The following PSD3 variants were observed in gnomAD, a reference collection of about 807,000 sequenced individuals.
PSD3 encodes pleckstrin and Sec7 domain containing 3, also known as PH and SEC7 domain-containing protein 3.
A neutral mutation model predicts 105.5 loss-of-function variants in PSD3; 49 were observed. That is an observed-to-expected ratio of 0.46 (90% CI 0.37 to 0.59). PSD3 has a LOEUF of 0.59. Among genes scored for constraint, PSD3 ranks in the 20% least tolerant of loss-of-function variants. The pLI is 0.00. For synonymous variants in PSD3, 557 were observed against 457.8 expected (o/e 1.22, Z -2.77); for missense variants, 1,561 against 1,263.8 (o/e 1.24, Z -3.57).
chr8:18,979,455 T>C (rs1825136498), intron 1 of PSD3, among the ~76,000 whole-genome samples: 1 of 152,230 alleles, frequency 6.6e-6, no homozygotes, highest in Non-Finnish European at 1.5e-5. Flanking sequence ...ATAGTATCTT[T>C]CATTCCAAAA....
chr8:18,937,377 G>T (rs1456462868), intron 1 of PSD3, among the ~76,000 whole-genome samples: 2 of 152,152 alleles, frequency 1.3e-5, no homozygotes, highest in East Asian at 3.8e-4. Context: ...CACTTTGGGG[G>T]AGAGAAGCGT....
chr8:18,950,353 T>G (rs2129470009), intron 1 of PSD3, among the ~76,000 whole-genome samples: 1 of 152,336 alleles, frequency 6.6e-6, no homozygotes, highest in South Asian at 2.1e-4. Flanking sequence ...CTTTTTGTAT[T>G]TTGTGGTAGC....
At chr8:18,680,079 G>C (rs1197268227) in intron 9 of PSD3, among the ~76,000 whole-genome samples, 2 of 152,044 alleles carry the variant, frequency 1.3e-5, no homozygotes, top group African/African-American at 2.4e-5. Context: ...GGGAAGAAAA[G>C]AGTGTTTATC....
intron 2 of PSD3, among the ~76,000 whole-genome samples, chr8:18,887,934 A>G (rs1164837490): frequency 6.6e-6 from 1 of 152,164 alleles, no homozygotes; most frequent in Non-Finnish European, 1.5e-5. Context: ...GATGGCTACT[A>G]TGATTAACCC....
At chr8:18,536,313 T>C (rs968936741) in intron 15 of PSD3, among the ~76,000 whole-genome samples, 2 of 152,200 alleles carry the variant, frequency 1.3e-5, no homozygotes, top group African/African-American at 4.8e-5. Flanking sequence ...GGCGGCTGCA[T>C]GGCTCTTGTG....
intron 1 of PSD3, among the ~76,000 whole-genome samples, chr8:19,075,791 T>C (rs571740696): frequency 6.6e-6 from 1 of 152,364 alleles, no homozygotes; most frequent in East Asian, 1.9e-4. Flanking sequence ...TTTGCATGTA[T>C]GTTTATCTGC....
In PSD3 at chr8:18,746,684, G is replaced by C. The variant is rs62495854; in HGVS notation, c.2172+18765C>G. On this transcript the variant is annotated intron_variant, in intron 9 of 15. Coordinates refer to ENST00000327040, the MANE Select transcript of PSD3 (RefSeq NM_015310.4). ...TTTGTCTTCAACCACACGGCATACA[G>C]TTAAAAAACTGTTTTTCAAAATTAT... is the stretch of plus-strand genomic sequence containing the variant. 9.6e-3 allele frequency among the ~76,000 whole-genome samples: 1,465 copies of C among 152,356 alleles called. 13 individuals are homozygous for C. Among genetic ancestry groups the C allele is most frequent in the Non-Finnish European group, 0.016 (1,122 of 68,018 alleles).
chr8:18,579,096 CCACACACACACACACACA>C (rs3988324), intron 12 of PSD3, among the ~76,000 whole-genome samples: 1 of 143,556 alleles, frequency 7.0e-6, no homozygotes, highest in Non-Finnish European at 1.5e-5. Context: ...AGCTCCAAGT[CCACACACACACACACACA>C]CACACACACA....
intron 10 of PSD3, among the ~76,000 whole-genome samples, chr8:18,645,670 T>G (rs760898760): frequency 6.6e-6 from 1 of 152,180 alleles, no homozygotes; most frequent in Non-Finnish European, 1.5e-5. Context: ...TGTTAGGAAT[T>G]TGAGTACAGT....
At chr8:18,752,195 G>A (rs1255568925) in intron 9 of PSD3, among the ~76,000 whole-genome samples, 3 of 151,396 alleles carry the variant, frequency 2.0e-5, no homozygotes, top group East Asian at 1.9e-4. Flanking sequence ...AAAAAATTAT[G>A]CATATACTTA....
At chr8:18,887,817 G>T (rs1017866671) in intron 2 of PSD3, among the ~76,000 whole-genome samples, 1 of 152,140 alleles carries the variant, frequency 6.6e-6, no homozygotes, top group Non-Finnish European at 1.5e-5. Flanking sequence ...GAACGTTTCT[G>T]ATAAGTAATA....
At chr8:18,705,853 C>T (rs551717347) in intron 9 of PSD3, among the ~76,000 whole-genome samples, 8 of 152,134 alleles carry the variant, frequency 5.3e-5, no homozygotes, top group East Asian at 1.9e-4. Context: ...TATATACAAA[C>T]GTATTTTGTA....
In PSD3 at chr8:19,040,722, T is replaced by A. The variant is rs551500017; in HGVS notation, c.324+43484A>T. On this transcript the variant is annotated intron_variant, in intron 1 of 1. Transcript: ENST00000521475. Reference sequence around the variant, plus strand: ...TCACAGTGGCTTGGACCAGAATATATTGGTGCAAGTGATGAGCTTACTGAA... The same window carrying A: ...TCACAGTGGCTTGGACCAGAATATAATGGTGCAAGTGATGAGCTTACTGAA... Among the ~76,000 whole-genome samples, 17 of 152,238 alleles carry A rather than the reference T, an allele frequency of 1.1e-4. No homozygotes were observed. The South Asian group carries it at 3.5e-3, about 32-fold the overall frequency.
chr8:19,065,850 G>A (rs1212737211), intron 1 of PSD3, among the ~76,000 whole-genome samples: 1 of 152,162 alleles, frequency 6.6e-6, no homozygotes, highest in Non-Finnish European at 1.5e-5. Context: ...ATCCCCAGAG[G>A]CTAGGGGGTG....
chr8:18,847,111 C>T (rs539362658), intron 4 of PSD3, among the ~76,000 whole-genome samples: 9 of 152,298 alleles, frequency 5.9e-5, no homozygotes, highest in Admixed American at 2.6e-4. Flanking sequence ...GGTTTCACTT[C>T]CGCTGCTGAG....
intron 2 of PSD3, among the ~76,000 whole-genome samples, chr8:18,881,467 G>C (rs953474554): frequency 3.9e-5 from 6 of 152,168 alleles, no homozygotes; most frequent in Admixed American, 6.5e-5. Flanking sequence ...ACTCTGGCTA[G>C]CAAACTCCTG....
intron 8 of PSD3, among the ~76,000 whole-genome samples, chr8:18,781,015 C>T (rs1265760516): frequency 6.6e-6 from 1 of 151,948 alleles, no homozygotes; most frequent in Non-Finnish European, 1.5e-5. Context: ...TTTTTTATAT[C>T]TTCCCCAGGT....
intron 10 of PSD3, among the ~76,000 whole-genome samples, chr8:18,643,446 C>T (rs1446963739): frequency 1.3e-5 from 2 of 152,162 alleles, no homozygotes; most frequent in African/African-American, 4.8e-5. Flanking sequence ...CAAACTCTGA[C>T]CTAAATCAGA....
intron 8 of PSD3, among the ~76,000 whole-genome samples, chr8:18,787,129 A>G (rs77656612): frequency 6.6e-6 from 1 of 152,218 alleles, no homozygotes; most frequent in East Asian, 1.9e-4. Context: ...TCAAGGCTTC[A>G]TAAGTATCCA....
Sources: allele counts gnomAD v4.1 joint callset (sites outside exome capture counted in the v4.1 genomes callset), GRCh38; gene constraint gnomAD v4.1.1; transcripts MANE v1.5; gene names NCBI Gene and HGNC (gene_info 2026-07-23, HGNC 2026-07-21).